The following B4GALT7 variants were observed in gnomAD, a reference collection of about 807,000 sequenced individuals.
B4GALT7 encodes the protein UDP-Gal:beta-GlcNAc beta-1,4-galactosyltransferase 7.
Under a neutral mutation model 33.0 loss-of-function variants are expected in B4GALT7, and 30 were observed. The observed-to-expected ratio is 0.91, with a 90% CI of 0.68 to 1.23. The LOEUF is 1.23. Among genes scored for constraint, B4GALT7 ranks in the 50% most tolerant of loss-of-function variants. B4GALT7 has a pLI of 0.00. For missense variants in B4GALT7, 507 were observed against 450.8 expected (o/e 1.12, Z -1.13); for synonymous variants, 213 against 187.2 (o/e 1.14, Z -1.13).
At chr5:177,609,390 C>A in intron 5 of B4GALT7, 150 bp from the exon 6 acceptor site, 1 of 1,041,390 alleles carries the variant, frequency 9.6e-7, no homozygotes, top group Non-Finnish European at 1.5e-6. Flanking sequence ...GGGGCACAGC[C>A]CTGGGCAAGA....
chr5:177,607,234 G>C, intron 2 of B4GALT7, 68 bp from the exon 3 acceptor site: 1 of 1,420,830 alleles, frequency 7.0e-7, no homozygotes, highest in Non-Finnish European at 9.6e-7. Flanking sequence ...GGGACCCCCG[G>C]GTGGGTGCTG....
chr5:177,607,715 G>T, intron 3 of B4GALT7, 188 bp downstream of exon 3: 1 of 631,898 alleles, frequency 1.6e-6, no homozygotes, highest in South Asian at 1.9e-5. Flanking sequence ...AGAACTGCTT[G>T]CACGGGGGCT....
rs1241587845 is a variant in B4GALT7, at chr5:177,600,175, G to A, written c.-36G>A. On this transcript the variant is annotated 5_prime_UTR_variant, in exon 1 of 6. Coordinates refer to ENST00000029410, the MANE Select transcript of B4GALT7 (RefSeq NM_007255.3). The surrounding 1 kb of genome is among the most constrained non-coding windows in gnomAD (Gnocchi z 4.4). ...CGGGAGGCCGGGCCGGCCGGGCTGCGAGCGCCTGCCCCATGCGCCGCCGCC... is the reference window on the plus strand; with the variant it reads ...CGGGAGGCCGGGCCGGCCGGGCTGCAAGCGCCTGCCCCATGCGCCGCCGCC... The A allele has an allele frequency of 1.2e-4, 150 of 1,259,434 alleles. No homozygotes were observed. Among genetic ancestry groups the A allele is most frequent in the Admixed American group, 6.2e-4 (15 of 24,364 alleles). 78.0% of individuals were successfully genotyped at this position (1,259,434 alleles called of 1,614,324 possible).
At position 177,607,482 on chromosome 5, in the gene B4GALT7, C is replaced by G; in HGVS notation, c.594C>G (p.Thr198=). 1 of 1,613,632 alleles carries G rather than the reference C, an allele frequency of 6.2e-7. No homozygotes were observed. The highest frequency in any genetic ancestry group is 8.5e-7 in the Non-Finnish European group (1 of 1,180,042). The change falls in exon 3 of 6, where the codon ACC becomes ACG. Residue 198 remains threonine (T), a synonymous_variant. Transcript: ENST00000029410. Reference sequence around the variant, plus strand: ...TCCACCCTCTCTACCACTACAAGACCTATGTCGGCGGCATCCTGCTGCTCT... The same window carrying G: ...TCCACCCTCTCTACCACTACAAGACGTATGTCGGCGGCATCCTGCTGCTCT... The part of the protein sequence containing the change: ...PELHPLYHYK[T]YVGGILLLSK...
At chr5:177,607,935 C>T (rs952000460) in intron 3 of B4GALT7, 2 of 298,374 alleles carry the variant, frequency 6.7e-6, no homozygotes, top group Non-Finnish European at 1.3e-5. Flanking sequence ...GAGATGGGGC[C>T]CTTCCCTTGT....
chr5:177,608,223 G>A lies in B4GALT7; in HGVS notation c.640-316G>A, dbSNP rs1431697833. 4.8e-6 allele frequency: 2 copies of A among 414,616 alleles called. No homozygotes were observed. Among genetic ancestry groups the A allele is most frequent in the Non-Finnish European group, 9.0e-6 (2 of 223,190 alleles). 25.7% of individuals were successfully genotyped at this position (414,616 alleles called of 1,614,324 possible). A position where few individuals can be genotyped will look rare whatever the true frequency, so the allele number is the denominator to read the frequency against. ...ATGAGGGCAGGGCCACCAGGAGAAA[G>A]GGGAATGGGGGAAGCAGAAATCAAG... On this transcript the variant is annotated intron_variant, in intron 3 of 5. Transcript: ENST00000029410. The surrounding 1 kb of genome is among the most constrained non-coding windows in gnomAD (Gnocchi z 4.1).
chr5:177,607,696 CGCA>C, intron 3 of B4GALT7, 169 bp downstream of exon 3: 1 of 679,404 alleles, frequency 1.5e-6, no homozygotes, highest in African/African-American at 1.8e-5. Flanking sequence ...GCCAGTCAGC[CGCA>C]GCAGCAGAAC....
rs562627459 is a variant in B4GALT7, at chr5:177,600,183, G to A, written c.-28G>A. Reference sequence around the variant, plus strand: ...CGGGCCGGCCGGGCTGCGAGCGCCTGCCCCATGCGCCGCCGCCTCTCCGCA... The same window carrying A: ...CGGGCCGGCCGGGCTGCGAGCGCCTACCCCATGCGCCGCCGCCTCTCCGCA... On this transcript the variant is annotated 5_prime_UTR_variant, in exon 1 of 6. Transcript: ENST00000029410. The surrounding 1 kb of genome is among the most constrained non-coding windows in gnomAD (Gnocchi z 4.4). 5.3e-6 allele frequency: 7 copies of A among 1,331,988 alleles called. No individual in the cohort carries two copies. The highest frequency in any genetic ancestry group is 3.1e-5 in the East Asian group (1 of 31,844). The allele number at this position is 1,331,988 out of a possible 1,614,324, so 82.5% of individuals were successfully genotyped here. A position where few individuals can be genotyped will look rare whatever the true frequency, so the allele number is the denominator to read the frequency against.
rs184529647 is a variant in B4GALT7 at position 177,606,940 on chromosome 5, A to T, written c.414-362A>T. ...CCTCCCTGACGGCCCCACCGAGGAC[A>T]AGAGCCACCTCCACCCCCAGCAAGA... is the stretch of plus-strand genomic sequence containing the variant. On this transcript the variant is annotated intron_variant, in intron 2 of 5. Transcript: ENST00000029410. The surrounding 1 kb of genome is among the most constrained non-coding windows in gnomAD (Gnocchi z 4.2). 4.6e-4 allele frequency: 174 copies of T among 376,782 alleles called. No individual in the cohort carries two copies. Among genetic ancestry groups the T allele is most frequent in the African/African-American group, 3.4e-3 (165 of 47,910 alleles). 23.3% of individuals were successfully genotyped at this position (376,782 alleles called of 1,614,324 possible).
rs1450623807 is a variant in B4GALT7, at chr5:177,607,117, G to A, written c.414-185G>A. On this transcript the variant is annotated intron_variant, in intron 2 of 5. Transcript: ENST00000029410. ...CTGCTGTACCTCCCGTGCTTTGAAT[G>A]GTTTCTGGCACATAGTGGGTGCTTA... 3.3e-5 allele frequency: 22 copies of A among 661,904 alleles called. No individual in the cohort carries two copies. In the East Asian group the frequency reaches 5.2e-4, roughly 16 times the overall value. 41.0% of individuals were successfully genotyped at this position (661,904 alleles called of 1,614,324 possible).
At chr5:177,604,081 G>A (rs752867850) in intron 1 of B4GALT7, 98 bp from the exon 2 acceptor site, 4 of 1,552,850 alleles carry the variant, frequency 2.6e-6, no homozygotes, top group African/African-American at 1.4e-5. Flanking sequence ...TGGGGTAGAC[G>A]AGTTATGTGC....
Position 177,609,608 on chromosome 5 carries a change from CCTGT to C in B4GALT7, c.902_905del (p.Ser301TrpfsTer32), listed in dbSNP as rs751451579. 3.1e-6 allele frequency: 5 copies of C among 1,614,018 alleles called. No homozygotes were observed. The highest frequency in any genetic ancestry group is 2.2e-5 in the East Asian group (1 of 44,884). ...AGTACCATGTGGCTTCCCGCACTGC[CCTGT>C]CTGTGGGCGGGGCCCCCTGCACTGT... On this transcript the variant is annotated frameshift_variant, in exon 6 of 6. Coordinates refer to ENST00000029410, the MANE Select transcript of B4GALT7 (RefSeq NM_007255.3). LOFTEE classifies it high-confidence loss of function.
In B4GALT7 at chr5:177,608,490, C is replaced by G. The variant is rs776824378; in HGVS notation, c.640-49C>G. 28 of 1,264,170 alleles carry G rather than the reference C, an allele frequency of 2.2e-5. No individual in the cohort carries two copies. The highest frequency in any genetic ancestry group is 2.7e-4 in the Middle Eastern group (1 of 3,758). The allele number at this position is 1,264,170 out of a possible 1,614,324, so 78.3% of individuals were successfully genotyped here. ...CCCGAGCGGTAGGAGACCAAAGGCC[C>G]CCCCCCCCGGGAAGATGGGCCGAGT... On this transcript the variant is annotated intron_variant, in intron 3 of 5. Coordinates refer to ENST00000029410, the MANE Select transcript of B4GALT7 (RefSeq NM_007255.3). The surrounding 1 kb of genome is among the most constrained non-coding windows in gnomAD (Gnocchi z 4.1).
chr5:177,607,173 C>A (rs1318246779), intron 2 of B4GALT7, 129 bp from the exon 3 acceptor site: 10 of 781,506 alleles, frequency 1.3e-5, no homozygotes, highest in Non-Finnish European at 2.0e-5. Context: ...GGGACTGCCC[C>A]ACAGGCTGAG....
At position 177,607,523 on chromosome 5, in the gene B4GALT7, G is replaced by T. The variant is rs754100174; in HGVS notation, c.635G>T (p.Arg212Leu). Residue 212 changes from arginine (R) to leucine (L), a missense_variant, in exon 3 of 6, where the codon CGG becomes CTG. Transcript: ENST00000029410. ...CTGCTGCTCTCCAAGCAGCACTACCGGCTGGTGAGGCCCGGACAGCCTGCT... is the reference window on the plus strand; with the variant it reads ...CTGCTGCTCTCCAAGCAGCACTACCTGCTGGTGAGGCCCGGACAGCCTGCT... ...GILLLSKQHY[R>L]LCNGMSNRFW... The T allele has an allele frequency of 6.2e-7, 1 of 1,610,860 alleles. No homozygotes were observed.
chr5:177,600,632 G>A lies in B4GALT7; in HGVS notation c.50+372G>A, dbSNP rs1767820496. 6.6e-6 allele frequency among the ~76,000 whole-genome samples: 1 copy of A among 152,070 alleles called. No homozygotes were observed. The highest frequency in any genetic ancestry group is 2.1e-4 in the South Asian group (1 of 4,824). On this transcript the variant is annotated intron_variant, in intron 1 of 5. Transcript: ENST00000029410. The surrounding 1 kb of genome is among the most constrained non-coding windows in gnomAD (Gnocchi z 4.4). The stretch of plus-strand genomic sequence containing the variant: ...CACCAGCCTCCCTCTATCTGCATGC[G>A]GGTCTCTGACTCCGCTGACCTCTCA...
In B4GALT7 at chr5:177,607,538, G is replaced by A. The variant is rs1169651203; in HGVS notation, c.639+11G>A. The A allele has an allele frequency of 1.2e-6, 2 of 1,607,788 alleles. No individual in the cohort carries two copies. The highest frequency in any genetic ancestry group is 2.2e-5 in the South Asian group (2 of 91,044). ...CAGCACTACCGGCTGGTGAGGCCCGGACAGCCTGCTCTGCTCAGAGCCGGG... is the reference window on the plus strand; with the variant it reads ...CAGCACTACCGGCTGGTGAGGCCCGAACAGCCTGCTCTGCTCAGAGCCGGG... On this transcript the variant is annotated intron_variant, in intron 3 of 5. Transcript: ENST00000029410.
chr5:177,609,677 C>A lies in B4GALT7; in HGVS notation c.966C>A (p.Pro322=). 1 of 1,612,362 alleles carries A rather than the reference C, an allele frequency of 6.2e-7. No homozygotes were observed. The highest frequency in any genetic ancestry group is 1.7e-5 in the Admixed American group (1 of 59,758). ...IMLDCDKTAT[P]WCTFS ...TGGACTGTGACAAGACCGCCACACC[C>A]TGGTGCACATTCAGCTGAGCTGGAT... Residue 322 remains proline, a synonymous_variant, in exon 6 of 6, where the codon CCC becomes CCA. Coordinates refer to ENST00000029410, the MANE Select transcript of B4GALT7 (RefSeq NM_007255.3).
At chr5:177,609,360 C>T (rs997189772) in intron 5 of B4GALT7, among the ~76,000 whole-genome samples, 180 bp from the exon 6 acceptor site, 6 of 152,208 alleles carry the variant, frequency 3.9e-5, no homozygotes, top group East Asian at 1.9e-4. Flanking sequence ...CTGGAGATCC[C>T]GGCTCGCCTG....
Sources: allele counts gnomAD v4.1 joint callset (sites outside exome capture counted in the v4.1 genomes callset), GRCh38; gene constraint gnomAD v4.1.1; non-coding constraint Gnocchi (gnomAD v3.1); transcripts MANE v1.5; gene names NCBI Gene and HGNC (gene_info 2026-07-23, HGNC 2026-07-21).